The following ZCCHC7 variants were observed in gnomAD, a reference collection of about 807,000 sequenced individuals.
ZCCHC7 encodes the protein zinc finger CCHC domain-containing protein 7.
Under a neutral mutation model 52.0 loss-of-function variants are expected in ZCCHC7, and 35 were observed. The ratio of observed to expected loss-of-function variants is 0.67; its 90% CI spans 0.51 to 0.89. The LOEUF is 0.89. Among genes scored for constraint, ZCCHC7 ranks in the 40% least tolerant of loss-of-function variants. The pLI, the probability that ZCCHC7 is intolerant of heterozygous loss-of-function variation, is 0.00. For missense variants in ZCCHC7, 574 were observed against 649.1 expected (o/e 0.88, Z 1.26); for synonymous variants, 217 against 221.5 (o/e 0.98, Z 0.18).
At chr9:37,187,859 C>T (rs1334104886) in intron 2 of ZCCHC7, among the ~76,000 whole-genome samples, 5 of 151,930 alleles carry the variant, frequency 3.3e-5, no homozygotes, top group Admixed American at 6.6e-5. Context: ...TATGAAGGCC[C>T]GACTGTGCTG....
intron 2 of ZCCHC7, among the ~76,000 whole-genome samples, chr9:37,196,542 A>G (rs1039876940): frequency 6.6e-6 from 1 of 152,190 alleles, no homozygotes; most frequent in Non-Finnish European, 1.5e-5. Context: ...AGTAGAACCT[A>G]TTCTTTATAG....
At chr9:37,237,105 A>G (rs1234171435) in intron 2 of ZCCHC7, among the ~76,000 whole-genome samples, 1 of 152,218 alleles carries the variant, frequency 6.6e-6, no homozygotes. Flanking sequence ...CAAGCTGTAC[A>G]GTAGTTTTAT....
intron 2 of ZCCHC7, among the ~76,000 whole-genome samples, chr9:37,262,510 A>G (rs916610651): frequency 7.2e-5 from 11 of 152,188 alleles, no homozygotes; most frequent in African/African-American, 1.4e-4. Context: ...TTAGTTGACT[A>G]TGGGAAATAT....
chr9:37,202,609 G>A (rs1823693074), intron 2 of ZCCHC7, among the ~76,000 whole-genome samples: 1 of 152,074 alleles, frequency 6.6e-6, no homozygotes, highest in Non-Finnish European at 1.5e-5. Context: ...AGTCTCCCCA[G>A]TAGCTAGGAC....
intron 6 of ZCCHC7, 125 bp from the exon 7 acceptor site, chr9:37,349,232 C>A: frequency 1.3e-6 from 1 of 791,218 alleles, no homozygotes; most frequent in East Asian, 2.6e-5. Context: ...CGCCTGAATA[C>A]AGGTCTCCAT....
At chr9:37,204,475 A>C (rs1311594750) in intron 2 of ZCCHC7, among the ~76,000 whole-genome samples, 1 of 152,096 alleles carries the variant, frequency 6.6e-6, no homozygotes, top group South Asian at 2.1e-4. Flanking sequence ...TCTTGAGTTA[A>C]TTTTTGTATG....
chr9:37,291,855 G>A (rs529658103), intron 2 of ZCCHC7, among the ~76,000 whole-genome samples: 3 of 152,070 alleles, frequency 2.0e-5, no homozygotes, highest in South Asian at 2.1e-4. Flanking sequence ...CACCATACCC[G>A]GCTAATTTTG....
chr9:37,281,813 T>G (rs577021134), intron 2 of ZCCHC7, among the ~76,000 whole-genome samples: 146 of 152,350 alleles, frequency 9.6e-4, no homozygotes, highest in African/African-American at 3.4e-3. Flanking sequence ...AGGTTTTATT[T>G]CCTAGGCTAA....
At chr9:37,245,947 G>C (rs905331906) in intron 2 of ZCCHC7, among the ~76,000 whole-genome samples, 2 of 152,062 alleles carry the variant, frequency 1.3e-5, no homozygotes, top group African/African-American at 4.8e-5. Flanking sequence ...GATTGGTAAA[G>C]TGAGACCAGA....
chr9:37,214,989 A>G (rs565227422), intron 2 of ZCCHC7, among the ~76,000 whole-genome samples: 1 of 152,254 alleles, frequency 6.6e-6, no homozygotes, highest in East Asian at 1.9e-4. Context: ...AGCTCACCCT[A>G]TGTTACATTA....
At chr9:37,215,943 G>A (rs1040315116) in intron 2 of ZCCHC7, among the ~76,000 whole-genome samples, 2 of 152,074 alleles carry the variant, frequency 1.3e-5, no homozygotes, top group Admixed American at 6.5e-5. Context: ...CCTATGAGGG[G>A]TTGATTTTGT....
intron 2 of ZCCHC7, among the ~76,000 whole-genome samples, chr9:37,167,046 A>C (rs1821459617): frequency 6.6e-6 from 1 of 152,108 alleles, no homozygotes; most frequent in Non-Finnish European, 1.5e-5. Flanking sequence ...AATTTCTTTC[A>C]GTTTTTTGGC....
intron 2 of ZCCHC7, among the ~76,000 whole-genome samples, chr9:37,155,737 C>T (rs957286140): frequency 6.6e-6 from 1 of 152,130 alleles, no homozygotes; most frequent in African/African-American, 2.4e-5. Flanking sequence ...TTCATCTTAC[C>T]TAAAATACAC....
chr9:37,221,775 GTAC>G (rs1222958232), intron 2 of ZCCHC7, among the ~76,000 whole-genome samples: 1 of 152,060 alleles, frequency 6.6e-6, no homozygotes, highest in African/African-American at 2.4e-5. Context: ...TGAAATACGA[GTAC>G]TAAAAATGAT....
chr9:37,283,778 T>G (rs1334221420), intron 2 of ZCCHC7, among the ~76,000 whole-genome samples: 2 of 152,144 alleles, frequency 1.3e-5, no homozygotes, highest in Non-Finnish European at 2.9e-5. Context: ...TTGGTTTGGT[T>G]TAGTCATCAA....
rs17408274 is a variant in ZCCHC7, at chr9:37,138,918, C to G, written c.610+11976C>G. Among the ~76,000 whole-genome samples the G allele has an allele frequency of 2.6e-5, 4 of 151,658 alleles. 1 individual carries two copies. The highest frequency in any genetic ancestry group is 9.7e-5 in the African/African-American group (4 of 41,424). On this transcript the variant is annotated intron_variant, in intron 2 of 8. Transcript: ENST00000336755. ...TATATAGACAGTATATTTTTATGGT[C>G]AGAAAGTAAATTTGATGTGAGCTAC... is the stretch of plus-strand genomic sequence containing the variant.
chr9:37,200,302 A>G (rs371605418), intron 2 of ZCCHC7, among the ~76,000 whole-genome samples: 17 of 152,142 alleles, frequency 1.1e-4, no homozygotes, highest in African/African-American at 3.9e-4. Context: ...AAAACAAAAC[A>G]TAAGCTCTTG....
chr9:37,320,987 C>CTTTTTTTTTTT (rs11303114), intron 5 of ZCCHC7, among the ~76,000 whole-genome samples: 1 of 116,226 alleles, frequency 8.6e-6, no homozygotes, highest in Non-Finnish European at 1.8e-5. Context: ...TTTCTTTTTT[C>CTTTTTTTTTTT]TTTTTTTTTT....
chr9:37,307,393 T>G (rs1227523881), intron 5 of ZCCHC7, among the ~76,000 whole-genome samples: 5 of 152,152 alleles, frequency 3.3e-5, no homozygotes, highest in Non-Finnish European at 7.4e-5. Context: ...GTAACATATG[T>G]TTATTTTATA....
Sources: gnomAD v4.1 joint callset for allele counts (sites outside exome capture counted in the v4.1 genomes callset) on GRCh38, gnomAD v4.1.1 for gene constraint, MANE v1.5 for transcripts, NCBI Gene and HGNC (gene_info 2026-07-23, HGNC 2026-07-21) for gene names.